Variants in ROBO1 observed in about 807,000 individuals in gnomAD.
ROBO1 encodes the protein roundabout guidance receptor 1, also known as roundabout homolog 1.
Under a neutral mutation model 195.9 loss-of-function variants are expected in ROBO1, and 149 were observed. That is an observed-to-expected ratio of 0.76 (90% confidence interval 0.67 to 0.87). The LOEUF is 0.87. Among genes scored for constraint, ROBO1 ranks in the 40% least tolerant of loss-of-function variants. The pLI is 0.00. For missense variants in ROBO1, 1,933 were observed against 2,068.3 expected (o/e 0.93, Z 1.27); for synonymous variants, 816 against 733.2 (o/e 1.11, Z -1.82).
At position 78,598,698 on chromosome 3, in the gene ROBO1, G is replaced by T; in HGVS notation, c.*215C>A. On this transcript the variant is annotated 3_prime_UTR_variant, in exon 31 of 31. Coordinates refer to ENST00000464233, the MANE Select transcript of ROBO1 (RefSeq NM_002941.4). ...GTATAATGGTTTGCTCCAACAGCGA[G>T]GGGAATAGGAAGGCTCTTTGTAGGG... 1 of 389,088 alleles carries T rather than the reference G, an allele frequency of 2.6e-6. No homozygotes were observed. Among genetic ancestry groups the T allele is most frequent in the East Asian group, 3.8e-5 (1 of 26,254 alleles). The allele number at this position is 389,088 out of a possible 1,614,324, so 24.1% of individuals were successfully genotyped here.
intron 4 of ROBO1, among the ~76,000 whole-genome samples, chr3:78,852,135 T>C (rs764661243): frequency 5.9e-5 from 9 of 152,160 alleles, no homozygotes; most frequent in Non-Finnish European, 1.2e-4. Flanking sequence ...ACTTCTATTA[T>C]GTGTTCATTT....
In ROBO1 at chr3:79,585,291, C is replaced by T. The variant is rs148141052; in HGVS notation, c.88+4533G>A. Among the ~76,000 whole-genome samples the T allele has an allele frequency of 4.5e-3, 688 of 151,950 alleles. 3 individuals are homozygous for T. Among genetic ancestry groups the T allele is most frequent in the African/African-American group, 0.015 (629 of 41,482 alleles). On this transcript the variant is annotated intron_variant, in intron 2 of 30. Transcript: ENST00000464233. ...AATATCTGAATTAAGATTTTACTAACGCTTTGACAAAATTTAGGGGGAATT... is the reference window on the plus strand; with the variant it reads ...AATATCTGAATTAAGATTTTACTAATGCTTTGACAAAATTTAGGGGGAATT...
chr3:79,007,508 T>C (rs1443867281), intron 3 of ROBO1, among the ~76,000 whole-genome samples: 1 of 152,214 alleles, frequency 6.6e-6, no homozygotes, highest in Non-Finnish European at 1.5e-5. Flanking sequence ...TTTATCTGTA[T>C]ACTGCTATCC....
Position 79,505,529 on chromosome 3 carries a change from GAGA to G in ROBO1, c.88+84292_88+84294del, listed in dbSNP as rs545854046. On this transcript the variant is annotated intron_variant, in intron 2 of 30. Coordinates refer to ENST00000464233, the MANE Select transcript of ROBO1 (RefSeq NM_002941.4). ...TCCTGATTTAAGGACCATGCTGAGA[GAGA>G]AGAAGAGAGGAGTCTATTTTAGCAT... Among the ~76,000 whole-genome samples the G allele has an allele frequency of 2.4e-3, 369 of 152,288 alleles. 2 individuals carry two copies. Among genetic ancestry groups the G allele is most frequent in the African/African-American group, 8.4e-3 (347 of 41,554 alleles).
chr3:79,012,142 T>A (rs1025496037), intron 3 of ROBO1, among the ~76,000 whole-genome samples: 2 of 152,206 alleles, frequency 1.3e-5, no homozygotes, highest in Non-Finnish European at 2.9e-5. Flanking sequence ...AGCTTAAAAA[T>A]GTTTTCTAGT....
chr3:78,606,931 C>T lies in ROBO1; in HGVS notation c.4546G>A (p.Ala1516Thr). 1 of 1,613,884 alleles carries T rather than the reference C, an allele frequency of 6.2e-7. No individual in the cohort carries two copies. The highest frequency in any genetic ancestry group is 8.5e-7 in the Non-Finnish European group (1 of 1,179,876). ...CTGTCTGATGATCTGTCTGTTCTTG[C>T]ATCCATAGAAGGGAGTTTTGGCACC... ...VVVPKLPSMD[A>T]RTDRSSDRKG... Residue 1516 changes from alanine to threonine, a missense_variant, in exon 29 of 31, where the codon GCA becomes ACA. Physicochemically the swap from Ala to Thr is moderately conservative, Grantham distance 58. Around this residue, in one of 3 missense-constraint regions of ROBO1, gnomAD observed 1,737 missense variants for 1,882.5 expected, o/e 0.92. Coordinates refer to ENST00000464233, the MANE Select transcript of ROBO1 (RefSeq NM_002941.4).
intron 4 of ROBO1, among the ~76,000 whole-genome samples, chr3:78,860,103 G>A (rs1449252742): frequency 6.7e-6 from 1 of 150,074 alleles, no homozygotes; most frequent in Admixed American, 6.7e-5. Context: ...GACACAAGGG[G>A]TTTTAGGAAA....
intron 2 of ROBO1, among the ~76,000 whole-genome samples, chr3:79,579,194 A>G (rs1943584094): frequency 6.6e-6 from 1 of 152,194 alleles, no homozygotes; most frequent in Non-Finnish European, 1.5e-5. Context: ...CATTATTAGG[A>G]ATACACAAGT....
At chr3:78,863,980 A>G (rs1383798217) in intron 4 of ROBO1, among the ~76,000 whole-genome samples, 1 of 152,232 alleles carries the variant, frequency 6.6e-6, no homozygotes, top group Non-Finnish European at 1.5e-5. Context: ...TGTTGCCTGT[A>G]AAGTGCTAAG....
At chr3:79,694,304 C>CA (rs71631671) in intron 1 of ROBO1, among the ~76,000 whole-genome samples, 44,365 of 151,350 alleles carry the variant, frequency 0.29, 7,692 homozygotes, top group East Asian at 0.53. Context: ...CCACAGTTTA[C>CA]AAAAAAAATG....
intron 2 of ROBO1, among the ~76,000 whole-genome samples, chr3:79,451,895 T>G (rs911278327): frequency 6.6e-6 from 1 of 151,966 alleles, no homozygotes; most frequent in Non-Finnish European, 1.5e-5. Context: ...AACACAACTT[T>G]CTGCTGTTAG....
At chr3:79,682,829 T>A (rs1206053286) in intron 1 of ROBO1, among the ~76,000 whole-genome samples, 1 of 152,024 alleles carries the variant, frequency 6.6e-6, no homozygotes, top group African/African-American at 2.4e-5. Context: ...AAAATGTTCA[T>A]GAAGTTAGCC....
intron 3 of ROBO1, among the ~76,000 whole-genome samples, chr3:79,056,767 A>G (rs1481137745): frequency 6.6e-6 from 1 of 152,012 alleles, no homozygotes; most frequent in Non-Finnish European, 1.5e-5. Flanking sequence ...CAGCCTTTTC[A>G]GCTTCTGGTT....
At chr3:78,657,395 C>T in intron 17 of ROBO1, 126 bp from the exon 18 acceptor site, 1 of 890,334 alleles carries the variant, frequency 1.1e-6, no homozygotes, top group Non-Finnish European at 1.6e-6. Flanking sequence ...TAAGAAGTTT[C>T]CAAAGTCATT....
chr3:79,346,996 C>T (rs2035145357), intron 2 of ROBO1, among the ~76,000 whole-genome samples: 1 of 151,690 alleles, frequency 6.6e-6, no homozygotes, highest in African/African-American at 2.4e-5. Flanking sequence ...TTTTGGAGTT[C>T]ATAATATGGT....
In ROBO1 at chr3:78,714,346, C is replaced by G. The variant is rs879018349; in HGVS notation, c.1045+51G>C. The G allele has an allele frequency of 3.5e-5, 55 of 1,575,244 alleles. No individual in the cohort carries two copies. The South Asian group carries it at 5.9e-4, about 17-fold the overall frequency. ...ATAATATTTTCTTCAATTATCAGCA[C>G]TATATTTTGTATGCTAAAACCACCA... On this transcript the variant is annotated intron_variant, in intron 8 of 30. Transcript: ENST00000464233.
At chr3:79,217,447 T>G (rs545805238) in intron 2 of ROBO1, among the ~76,000 whole-genome samples, 1 of 152,180 alleles carries the variant, frequency 6.6e-6, no homozygotes, top group Non-Finnish European at 1.5e-5. Flanking sequence ...CCTAAGGAAC[T>G]TATTCTGCAA....
At chr3:79,750,342 T>G (rs1200301709) in intron 1 of ROBO1, among the ~76,000 whole-genome samples, 1 of 152,210 alleles carries the variant, frequency 6.6e-6, no homozygotes, top group Non-Finnish European at 1.5e-5. Flanking sequence ...TTGCCTTGTC[T>G]CAAATGAGAT....
At chr3:79,426,343 T>C (rs1356403770) in intron 2 of ROBO1, among the ~76,000 whole-genome samples, 4 of 152,028 alleles carry the variant, frequency 2.6e-5, no homozygotes, top group African/African-American at 9.7e-5. Flanking sequence ...CTTACTTCCT[T>C]TCTTCATATA....
Sources: gnomAD v4.1 joint callset for allele counts (sites outside exome capture counted in the v4.1 genomes callset) on GRCh38, gnomAD v4.1.1 for gene constraint, gnomAD v4.1.1 regional missense constraint, MANE v1.5 for transcripts, NCBI Gene and HGNC (gene_info 2026-07-23, HGNC 2026-07-21) for gene names.